PELI1: variants seen among roughly 807,000 people sequenced by gnomAD.
The protein encoded by PELI1 is pellino E3 ubiquitin protein ligase 1, also known as E3 ubiquitin-protein ligase pellino homolog 1.
Under a neutral mutation model 41.3 loss-of-function variants are expected in PELI1, and 15 were observed. That is an observed-to-expected ratio of 0.36 (90% CI 0.24 to 0.56). The LOEUF (loss-of-function observed/expected upper bound fraction) is 0.56. PELI1 is among the 20% of genes least tolerant of loss of function. The probability of loss-of-function intolerance (pLI) is 0.82; values close to 1 mark genes in which losing one functional copy is unlikely to be tolerated. For synonymous variants in PELI1, 178 were observed against 180.1 expected, an observed-to-expected ratio of 0.99 and a Z score of 0.09; for missense variants, 403 against 525.5, an observed-to-expected ratio of 0.77 and a Z score of 2.28.
chr2:64,108,113 T>C (rs1239617761), intron 2 of PELI1, 127 bp downstream of exon 2: 1 of 620,770 alleles, frequency 1.6e-6, no homozygotes, highest in East Asian at 2.7e-5. Flanking sequence ...TAACATTACC[T>C]GTAGCTTTAA....
At chr2:64,125,498 A>G (rs1450272224) in intron 1 of PELI1, among the ~76,000 whole-genome samples, 2 of 152,222 alleles carry the variant, frequency 1.3e-5, no homozygotes, top group African/African-American at 2.4e-5. Flanking sequence ...ACATAGCTCA[A>G]TATAATCCCA....
chr2:64,140,857 T>G (rs1259048439), intron 1 of PELI1, among the ~76,000 whole-genome samples: 2 of 135,074 alleles, frequency 1.5e-5, no homozygotes, highest in Non-Finnish European at 1.5e-5. Flanking sequence ...GATCTTTCAA[T>G]GACCAATAAT....
At chr2:64,116,787 T>C (rs575873904) in intron 1 of PELI1, among the ~76,000 whole-genome samples, 1 of 152,372 alleles carries the variant, frequency 6.6e-6, no homozygotes, top group Admixed American at 6.5e-5. Flanking sequence ...CTGTGTTTTT[T>C]ACAAATTCAA....
At chr2:64,136,648 G>A (rs1681725433) in intron 1 of PELI1, among the ~76,000 whole-genome samples, 1 of 152,258 alleles carries the variant, frequency 6.6e-6, no homozygotes, top group African/African-American at 2.4e-5. Flanking sequence ...GCTCACGCCT[G>A]TAATTCCAGC....
chr2:64,118,732 A>G (rs1399973259), intron 1 of PELI1, among the ~76,000 whole-genome samples: 2 of 152,288 alleles, frequency 1.3e-5, no homozygotes, highest in East Asian at 3.9e-4. Context: ...AATTCTTCAT[A>G]ATTTTTCCCA....
intron 1 of PELI1, among the ~76,000 whole-genome samples, chr2:64,117,247 TTTAA>T (rs920143005): frequency 6.6e-6 from 1 of 152,220 alleles, no homozygotes; most frequent in Non-Finnish European, 1.5e-5. Flanking sequence ...TCACTTAATA[TTTAA>T]TTATTTTCTC....
At chr2:64,111,143 A>G (rs1353489279) in intron 1 of PELI1, among the ~76,000 whole-genome samples, 1 of 152,118 alleles carries the variant, frequency 6.6e-6, no homozygotes, top group Non-Finnish European at 1.5e-5. Flanking sequence ...TAGCTAGCCC[A>G]TAAAAGTCTC....
intron 1 of PELI1, among the ~76,000 whole-genome samples, chr2:64,136,356 A>T (rs959057386): frequency 2.0e-5 from 3 of 152,240 alleles, no homozygotes; most frequent in Non-Finnish European, 4.4e-5. Context: ...TGTGCAGTAT[A>T]TGGTAAGAGA....
intron 1 of PELI1, among the ~76,000 whole-genome samples, chr2:64,141,400 T>A (rs553356027): frequency 1.4e-4 from 21 of 149,338 alleles, no homozygotes; most frequent in Admixed American, 4.1e-4. Flanking sequence ...ATCTGTATAA[T>A]AAAATAATCC....
chr2:64,116,956 A>T (rs1194486500), intron 1 of PELI1, among the ~76,000 whole-genome samples: 1 of 152,182 alleles, frequency 6.6e-6, no homozygotes, highest in Admixed American at 6.5e-5. Flanking sequence ...GTCTGTGATC[A>T]GTGATCTTTG....
intron 4 of PELI1, among the ~76,000 whole-genome samples, chr2:64,097,439 A>G (rs1317137448): frequency 6.6e-6 from 1 of 152,216 alleles, no homozygotes; most frequent in Non-Finnish European, 1.5e-5. Context: ...GTTCTTAGGG[A>G]TATTTCAGAG....
intron 1 of PELI1, among the ~76,000 whole-genome samples, chr2:64,111,332 A>C (rs1680801946): frequency 6.6e-6 from 1 of 152,218 alleles, no homozygotes; most frequent in African/African-American, 2.4e-5. Context: ...GTCAATGAAT[A>C]AAACAAATCA....
chr2:64,139,668 A>C (rs1363723859), intron 1 of PELI1, among the ~76,000 whole-genome samples: 2 of 152,220 alleles, frequency 1.3e-5, no homozygotes, highest in African/African-American at 4.8e-5. Context: ...AACACCATGA[A>C]AGCAGAGATT....
intron 4 of PELI1, among the ~76,000 whole-genome samples, chr2:64,099,876 G>C (rs982133096): frequency 1.3e-5 from 2 of 152,190 alleles, no homozygotes; most frequent in Non-Finnish European, 2.9e-5. Context: ...TATTGCATGA[G>C]TAGCATTGAC....
intron 1 of PELI1, among the ~76,000 whole-genome samples, chr2:64,124,054 T>C (rs967041960): frequency 2.6e-5 from 4 of 152,182 alleles, no homozygotes; most frequent in African/African-American, 7.2e-5. Context: ...TCACATATTG[T>C]ATGATTCCAT....
chr2:64,126,398 G>A (rs568085922), intron 1 of PELI1, among the ~76,000 whole-genome samples: 5 of 152,286 alleles, frequency 3.3e-5, no homozygotes, highest in Admixed American at 6.5e-5. Flanking sequence ...TCTTGACCTC[G>A]TGATCTGCCT....
At chr2:64,135,920 C>T (rs1420883629) in intron 1 of PELI1, among the ~76,000 whole-genome samples, 1 of 152,206 alleles carries the variant, frequency 6.6e-6, no homozygotes, top group African/African-American at 2.4e-5. Flanking sequence ...AGGTCATAGA[C>T]ACTTAAGCAC....
chr2:64,143,862 G>A (rs968003190), intron 1 of PELI1, among the ~76,000 whole-genome samples: 6 of 151,692 alleles, frequency 4.0e-5, no homozygotes, highest in African/African-American at 1.5e-4. Flanking sequence ...GGGAGGCCGC[G>A]TAGGGCCGGT....
intron 1 of PELI1, among the ~76,000 whole-genome samples, chr2:64,128,925 T>C (rs987324390): frequency 2.6e-5 from 4 of 152,304 alleles, no homozygotes; most frequent in African/African-American, 9.6e-5. Flanking sequence ...TTGCTGATAT[T>C]TGGATCTATA....
Sources: allele counts gnomAD v4.1 joint callset (sites outside exome capture counted in the v4.1 genomes callset), GRCh38; gene constraint gnomAD v4.1.1; transcripts MANE v1.5; gene names NCBI Gene and HGNC (gene_info 2026-07-23, HGNC 2026-07-21).